LHB: variants seen among roughly 807,000 people sequenced by gnomAD.
LHB encodes the protein lutropin subunit beta.
In LHB, 11 loss-of-function variants were observed where a neutral mutation model predicts 10.6. That is an observed-to-expected ratio of 1.04 (90% CI 0.66 to 1.72). The LOEUF (loss-of-function observed/expected upper bound fraction) is 1.72. Ranked by LOEUF, LHB falls within the 40% of genes most tolerant of loss-of-function variation. The pLI is 0.00. For synonymous variants in LHB, 86 were observed against 83.1 expected, an observed-to-expected ratio of 1.03 and a Z score of -0.19; for missense variants, 184 against 197.3, an observed-to-expected ratio of 0.93 and a Z score of 0.41.
rs756549072 is a variant in LHB, at chr19:49,016,167, G to T, written c.327C>A (p.Arg109=). The stretch of plus-strand genomic sequence containing the variant: ...AGGTGCTGCGGCGGCAGGGTCCACA[G>T]CGACAGCTGAGAGCCACAGGGAAGG... ...VVSFPVALSC[R]CGPCRRSTSD... The change falls in exon 3 of 3, where the codon CGC becomes CGA. Residue 109 remains arginine, a synonymous_variant. Transcript: ENST00000649238. 5.6e-6 allele frequency: 9 copies of T among 1,612,588 alleles called. No individual in the cohort carries two copies. The highest frequency in any genetic ancestry group is 4.0e-5 in the African/African-American group (3 of 74,894).
rs777579855 is a variant in LHB, at chr19:49,016,127, G to A, written c.367C>T (p.Pro123Ser). 4 of 1,612,764 alleles carry A rather than the reference G, an allele frequency of 2.5e-6. No homozygotes were observed. Among genetic ancestry groups the A allele is most frequent in the Non-Finnish European group, 3.4e-6 (4 of 1,180,036 alleles). ...CRRSTSDCGGPKDHPLTCDHP... is the reference protein window; with the variant it reads ...CRRSTSDCGGSKDHPLTCDHP... Reference sequence around the variant, plus strand: ...TCACAGGTCAAGGGGTGGTCTTTGGGACCCCCACAGTCAGAGGTGCTGCGG... The same window carrying A: ...TCACAGGTCAAGGGGTGGTCTTTGGAACCCCCACAGTCAGAGGTGCTGCGG... The change falls in exon 3 of 3, where the codon CCC (proline) becomes TCC (serine). Residue 123 changes from proline to serine, a missense_variant. Transcript: ENST00000649238.
At chr19:49,019,307 A>G, upstream of LHB, 3 of 1,216,968 alleles carry the variant, frequency 2.5e-6, no homozygotes, top group Non-Finnish European at 3.1e-6. Flanking sequence ...TCTGTCTTAA[A>G]CCGTCTTGGT....
chr19:49,017,227 A>G (rs2122678134), upstream of LHB: 1 of 1,425,688 alleles, frequency 7.0e-7, no homozygotes, highest in East Asian at 2.3e-5. Context: ...AGGGAGGCGC[A>G]GGAGTGGCTC....
At chr19:49,016,436 A>G in intron 2 of LHB, 111 bp downstream of exon 2, 1 of 1,600,410 alleles carries the variant, frequency 6.2e-7, no homozygotes, top group Non-Finnish European at 8.5e-7. Flanking sequence ...GCCTTCCCAC[A>G]CCCCATTCCC....
chr19:49,019,169 G>A (rs1318934573), upstream of LHB: 1 of 1,409,796 alleles, frequency 7.1e-7, no homozygotes, highest in Non-Finnish European at 9.2e-7. Flanking sequence ...CCACGCCAGG[G>A]AACTTCAGCT....
At chr19:49,018,504 C>T (rs1000577681), upstream of LHB, among the ~76,000 whole-genome samples, 2 of 152,038 alleles carry the variant, frequency 1.3e-5, no homozygotes, top group East Asian at 1.9e-4. Flanking sequence ...CCTGGGTCCT[C>T]GAGGTACTTA....
At position 49,016,216 on chromosome 19, in the gene LHB, G is replaced by A. The variant is rs532920492; in HGVS notation, c.278C>T (p.Pro93Leu). ...GGAGACCACGGGGTCCACACCACGCGGGCAGCCAGGGAGCCGGATGGACTC... is the reference window on the plus strand; with the variant it reads ...GGAGACCACGGGGTCCACACCACGCAGGCAGCCAGGGAGCCGGATGGACTC... ...RFESIRLPGC[P>L]RGVDPVVSFP... is the part of the protein sequence containing the mutation. Residue 93 changes from proline (P) to leucine (L), a missense_variant, in exon 3 of 3, where the codon CCG (proline) becomes CTG (leucine). Transcript: ENST00000649238. The A allele has an allele frequency of 1.5e-5, 24 of 1,612,404 alleles. No homozygotes were observed. The African/African-American group carries it at 2.1e-4, about 14-fold the overall frequency.
rs2039553240 is a variant in LHB, at chr19:49,016,376, G to A, written c.184-66C>T. On this transcript the variant is annotated intron_variant, in intron 2 of 2. Coordinates refer to ENST00000649238, the MANE Select transcript of LHB (RefSeq NM_000894.3). ...GCCAGCGCCTCAGCTGAGCTCCCAA[G>A]CTGACCCCACAGGTCCTGGACTCAG... The A allele has an allele frequency of 2.5e-6, 4 of 1,603,246 alleles. No individual in the cohort carries two copies. In the East Asian group the frequency reaches 8.9e-5, roughly 36 times the overall value.
In LHB at chr19:49,016,661, C is replaced by A; in HGVS notation, c.69G>T (p.Glu23Asp). The change falls in exon 2 of 3, where the codon GAG becomes GAT. Residue 23 changes from glutamate to aspartate, a missense_variant. By Grantham distance (45) the Glu-to-Asp change is conservative. Transcript: ENST00000649238. ...LSMGGAWASR[E>D]PLRPWCHPIN... is the part of the protein sequence containing the mutation. ...TGGGGTGGCACCATGGCCGAAGCGGCTCCCTGGATGCCCATGCCCCGCCCA... is the reference window on the plus strand; with the variant it reads ...TGGGGTGGCACCATGGCCGAAGCGGATCCCTGGATGCCCATGCCCCGCCCA... The A allele has an allele frequency of 6.2e-7, 1 of 1,612,180 alleles. No individual in the cohort carries two copies. Among genetic ancestry groups the A allele is most frequent in the African/African-American group, 1.3e-5 (1 of 74,908 alleles).
At chr19:49,017,905 C>T (rs951268028), upstream of LHB, 20 of 398,214 alleles carry the variant, frequency 5.0e-5, no homozygotes, top group Non-Finnish European at 7.5e-5. Flanking sequence ...GAGCGGAGGT[C>T]CCGAGCTCCG....
chr19:49,016,581 T>G lies in LHB; in HGVS notation c.149A>C (p.Asn50Thr). ...KEGCPVCITV[N>T]TTICAGYCPT... is the part of the protein sequence containing the mutation. ...GCAGTAGCCGGCACAGATGGTGGTG[T>G]TGACGGTGATGCACACTGGGCAGCC... is the stretch of plus-strand genomic sequence containing the variant. The change falls in exon 2 of 3, where the codon AAC becomes ACC. Residue 50 changes from asparagine to threonine, a missense_variant. Physicochemically the swap from Asn to Thr is moderately conservative, Grantham distance 65. Transcript: ENST00000649238. 6.2e-7 allele frequency: 1 copy of G among 1,610,764 alleles called. No homozygotes were observed. Among genetic ancestry groups the G allele is most frequent in the Non-Finnish European group, 8.5e-7 (1 of 1,179,642 alleles).
At chr19:49,018,271 G>C, upstream of LHB, 9 of 1,062,668 alleles carry the variant, frequency 8.5e-6, no homozygotes, top group Non-Finnish European at 1.1e-5. Flanking sequence ...CGTGGCTCCA[G>C]ACCTGGGGCG....
upstream of LHB, chr19:49,019,243 C>T (rs576275578): frequency 6.0e-6 from 8 of 1,336,280 alleles, no homozygotes; most frequent in South Asian, 5.9e-5. Flanking sequence ...TTCTGCTGTT[C>T]AAGGAACTCA....
upstream of LHB, chr19:49,018,271 G>T: frequency 9.4e-7 from 1 of 1,062,664 alleles, no homozygotes; most frequent in Non-Finnish European, 1.2e-6. Flanking sequence ...CGTGGCTCCA[G>T]ACCTGGGGCG....
upstream of LHB, chr19:49,017,956 G>T (rs1378478257): frequency 2.5e-6 from 1 of 398,652 alleles, no homozygotes; most frequent in Non-Finnish European, 4.4e-6. Context: ...GGGTGGGGCT[G>T]GCCCTGACGG....
rs121912517 is a variant in LHB, at chr19:49,016,563, C to T, written c.167G>A (p.Gly56Asp). The T allele has an allele frequency of 6.2e-6, 10 of 1,609,324 alleles. No individual in the cohort carries two copies. The African/African-American group carries it at 1.3e-4, about 22-fold the overall frequency. ...CITVNTTICA[G>D]YCPTMMRVLQ... ...GCAGCTCACCATGGTGGGGCAGTAG[C>T]CGGCACAGATGGTGGTGTTGACGGT... is the stretch of plus-strand genomic sequence containing the variant. Residue 56 changes from glycine to aspartate, a missense_variant, in exon 2 of 3, where the codon GGC becomes GAC. Gly to Asp is a moderately conservative substitution (Grantham distance 94). Coordinates refer to ENST00000649238, the MANE Select transcript of LHB (RefSeq NM_000894.3).
chr19:49,016,266 C>A lies in LHB; in HGVS notation c.228G>T (p.Val76=), dbSNP rs754860746. The change falls in exon 3 of 3, where the codon GTG becomes GTT. Residue 76 remains valine, a synonymous_variant. Transcript: ENST00000649238. ...CGAAGCGCACATCACGGTAGGTGCA[C>A]ACCACCTGAGGCAGGGGCGGCAGGA... The part of the protein sequence containing the change: ...QAVLPPLPQV[V]CTYRDVRFES... 1.3e-5 allele frequency: 21 copies of A among 1,612,270 alleles called. No individual in the cohort carries two copies. Among genetic ancestry groups the A allele is most frequent in the Non-Finnish European group, 1.7e-5 (20 of 1,179,848 alleles).
rs1483233328 is a variant in LHB at position 49,016,532 on chromosome 19, CCCCAGG to C, written c.183+9_183+14del. On this transcript the variant is annotated intron_variant, in intron 2 of 2. Transcript: ENST00000649238. The stretch of plus-strand genomic sequence containing the variant: ...CTGAGGTGGCAGCATCTGCCCCTGG[CCCCAGG>C]CAGCTCACCATGGTGGGGCAGTAGC... 6.2e-7 allele frequency: 1 copy of C among 1,603,950 alleles called. No homozygotes were observed. The highest frequency in any genetic ancestry group is 8.5e-7 in the Non-Finnish European group (1 of 1,178,198).
upstream of LHB, chr19:49,019,492 C>T: frequency 8.5e-7 from 1 of 1,169,820 alleles, no homozygotes; most frequent in Non-Finnish European, 1.1e-6. Flanking sequence ...TCCTTCTGGC[C>T]TGGCCTAATG....
Sources: gnomAD v4.1 joint callset for allele counts (sites outside exome capture counted in the v4.1 genomes callset) on GRCh38, gnomAD v4.1.1 for gene constraint, MANE v1.5 for transcripts, NCBI Gene and HGNC (gene_info 2026-07-23, HGNC 2026-07-21) for gene names.